SLC25A21: variants seen among roughly 807,000 people sequenced by gnomAD.
SLC25A21 encodes mitochondrial 2-oxodicarboxylate carrier.
SLC25A21 carries 47 observed loss-of-function variants against 43.8 expected under a neutral mutation model. That is an observed-to-expected ratio of 1.07 (90% confidence interval 0.85 to 1.37). The LOEUF (loss-of-function observed/expected upper bound fraction) is 1.37. Ranked by LOEUF, SLC25A21 falls within the 40% of genes most tolerant of loss-of-function variation. The pLI, the probability that SLC25A21 is intolerant of heterozygous loss-of-function variation, is 0.00. For synonymous variants in SLC25A21, 131 were observed against 121.3 expected (o/e 1.08, Z -0.52); for missense variants, 352 against 350.2 (o/e 1.00, Z -0.04).
At chr14:37,033,319 C>T (rs1026976029) in intron 1 of SLC25A21, among the ~76,000 whole-genome samples, 5 of 152,310 alleles carry the variant, frequency 3.3e-5, no homozygotes, top group African/African-American at 4.8e-5. Context: ...GGCTGAATCA[C>T]ATTCCATCCT....
chr14:37,099,113 A>T (rs1424637123), intron 1 of SLC25A21, among the ~76,000 whole-genome samples: 2 of 152,024 alleles, frequency 1.3e-5, no homozygotes, highest in East Asian at 3.9e-4. Context: ...GGACTTAAAA[A>T]TTTTTTTAAC....
intron 1 of SLC25A21, among the ~76,000 whole-genome samples, chr14:36,920,081 T>C (rs1157651016): frequency 6.6e-6 from 1 of 152,092 alleles, no homozygotes; most frequent in Non-Finnish European, 1.5e-5. Context: ...TTTGAAGTTT[T>C]TCTGTATCAA....
intron 1 of SLC25A21, among the ~76,000 whole-genome samples, chr14:36,926,494 GGGT>G (rs1467803051): frequency 2.6e-5 from 4 of 152,110 alleles, no homozygotes; most frequent in African/African-American, 9.7e-5. Context: ...TCAGAGAGGT[GGGT>G]GGGACACTAA....
intron 1 of SLC25A21, among the ~76,000 whole-genome samples, chr14:37,145,491 A>C (rs1963649845): frequency 6.7e-6 from 1 of 148,756 alleles, no homozygotes; most frequent in Non-Finnish European, 1.5e-5. Flanking sequence ...AGATGAGCTA[A>C]ATAACTCTTT....
At chr14:36,954,495 AT>A (rs5807924) in intron 1 of SLC25A21, among the ~76,000 whole-genome samples, 33,890 of 151,096 alleles carry the variant, frequency 0.22, 4,153 homozygotes, top group Admixed American at 0.31. Flanking sequence ...ATACATATAT[AT>A]ATATAAGAAA....
chr14:36,886,668 T>C (rs534086946), intron 1 of SLC25A21, among the ~76,000 whole-genome samples: 1 of 152,282 alleles, frequency 6.6e-6, no homozygotes, highest in South Asian at 2.1e-4. Context: ...TTAAAATAAG[T>C]GAGTTTTTTT....
At chr14:36,858,277 C>A (rs758522876) in intron 2 of SLC25A21, among the ~76,000 whole-genome samples, 1 of 152,168 alleles carries the variant, frequency 6.6e-6, no homozygotes, top group African/African-American at 2.4e-5. Context: ...CTTGTATGCA[C>A]TGGCCAAAGA....
At chr14:37,064,765 G>A (rs889135744) in intron 1 of SLC25A21, among the ~76,000 whole-genome samples, 1 of 152,048 alleles carries the variant, frequency 6.6e-6, no homozygotes, top group African/African-American at 2.4e-5. Context: ...TCACTTCCAG[G>A]TTGACAAAAA....
chr14:36,895,208 C>T (rs1891203058), intron 1 of SLC25A21, among the ~76,000 whole-genome samples: 2 of 152,222 alleles, frequency 1.3e-5, no homozygotes, highest in Admixed American at 6.5e-5. Context: ...ATTATTGCCT[C>T]AATTTCAGAG....
chr14:36,738,377 T>C (rs1452567733), intron 3 of SLC25A21, among the ~76,000 whole-genome samples: 4 of 152,176 alleles, frequency 2.6e-5, no homozygotes, highest in East Asian at 3.8e-4. Context: ...TCTGCCTTCA[T>C]GTGGTTTTGG....
At chr14:36,844,313 T>G (rs896030599) in intron 2 of SLC25A21, among the ~76,000 whole-genome samples, 1 of 152,196 alleles carries the variant, frequency 6.6e-6, no homozygotes, top group African/African-American at 2.4e-5. Context: ...TGAAATTGTC[T>G]GACAATTTGC....
At chr14:37,053,581 G>C (rs1209276563) in intron 1 of SLC25A21, among the ~76,000 whole-genome samples, 1 of 152,216 alleles carries the variant, frequency 6.6e-6, no homozygotes, top group Non-Finnish European at 1.5e-5. Context: ...TCATCTCATA[G>C]TCATTTTGGT....
intron 1 of SLC25A21, among the ~76,000 whole-genome samples, chr14:37,009,707 C>CAA (rs1405818701): frequency 1.3e-5 from 2 of 152,092 alleles, no homozygotes; most frequent in Non-Finnish European, 2.9e-5. Flanking sequence ...CCAATAAAAG[C>CAA]AAAAGCCTAG....
intron 1 of SLC25A21, among the ~76,000 whole-genome samples, chr14:36,976,605 A>T (rs1959877956): frequency 1.3e-5 from 2 of 152,062 alleles, no homozygotes; most frequent in Non-Finnish European, 2.9e-5. Context: ...TGGTGAGAGG[A>T]TTTGCCTCTC....
At chr14:36,706,176 C>T (rs1346537354) in intron 7 of SLC25A21, among the ~76,000 whole-genome samples, 1 of 152,172 alleles carries the variant, frequency 6.6e-6, no homozygotes, top group Admixed American at 6.5e-5. Flanking sequence ...GAAAAAATTC[C>T]TCCTGCAATT....
chr14:36,734,729 TG>T (rs1209331505), intron 3 of SLC25A21, among the ~76,000 whole-genome samples, 156 bp from the exon 4 acceptor site: 1 of 152,188 alleles, frequency 6.6e-6, no homozygotes, highest in Admixed American at 6.5e-5. Flanking sequence ...ATAAATTTTA[TG>T]TCTATTAGCA....
intron 1 of SLC25A21, among the ~76,000 whole-genome samples, chr14:37,092,093 C>T (rs746385138): frequency 2.0e-5 from 3 of 152,098 alleles, no homozygotes; most frequent in Non-Finnish European, 2.9e-5. Context: ...TGCCATTGTA[C>T]TCCAGCCTGG....
intron 1 of SLC25A21, among the ~76,000 whole-genome samples, chr14:36,933,311 T>C (rs968724812): frequency 1.3e-5 from 2 of 152,098 alleles, no homozygotes; most frequent in Admixed American, 6.6e-5. Context: ...CTTCTTTCGA[T>C]TGCAGTTTTC....
Position 36,680,343 on chromosome 14 carries a change from T to C in SLC25A21, c.*315A>G. On this transcript the variant is annotated 3_prime_UTR_variant, in exon 10 of 10. Transcript: ENST00000331299. ...ACAATGAATTTTCATTGTGAAGCAT[T>C]GAAGAGGAACACAGGAGACAAAGTT... 4 of 1,017,524 alleles carry C rather than the reference T, an allele frequency of 3.9e-6. No homozygotes were observed. The highest frequency in any genetic ancestry group is 4.7e-6 in the Non-Finnish European group (4 of 851,150). The allele number at this position is 1,017,524 out of a possible 1,614,324, so 63.0% of individuals were successfully genotyped here.
Sources: gnomAD v4.1 joint callset for allele counts (sites outside exome capture counted in the v4.1 genomes callset) on GRCh38, gnomAD v4.1.1 for gene constraint, MANE v1.5 for transcripts, NCBI Gene and HGNC (gene_info 2026-07-23, HGNC 2026-07-21) for gene names.